The following IGSF10 variants were observed in gnomAD, a reference collection of about 807,000 sequenced individuals.
IGSF10 encodes the protein immunoglobulin superfamily member 10.
Under a neutral mutation model 128.2 loss-of-function variants are expected in IGSF10, and 126 were observed. The observed-to-expected ratio is 0.98, with a 90% CI of 0.85 to 1.14. The LOEUF (loss-of-function observed/expected upper bound fraction) is 1.14, where lower values mean the gene tolerates loss of function less well. Among genes scored for constraint, IGSF10 ranks in the 50% most tolerant of loss-of-function variants. The pLI is 0.00. For missense variants in IGSF10, 3,295 were observed against 3,149.8 expected (o/e 1.05, Z -1.10); for synonymous variants, 1,185 against 1,146.2 (o/e 1.03, Z -0.68).
At chr3:151,556,137 A>G in the IGSF10 span, among the ~76,000 whole-genome samples, 1 of 152,156 alleles carries the variant, frequency 6.6e-6, no homozygotes, top group South Asian at 2.1e-4. Context: ...AGTAAAACTA[A>G]CTTTCATTCT....
the IGSF10 span, among the ~76,000 whole-genome samples, chr3:151,568,695 C>A: frequency 3.9e-5 from 6 of 152,124 alleles, no homozygotes; most frequent in Non-Finnish European, 8.8e-5. Flanking sequence ...CTCCAACCCT[C>A]CCATGCAATA....
At chr3:151,454,582 T>A (rs1721685371) in intron 4 of IGSF10, among the ~76,000 whole-genome samples, 1 of 70,350 alleles carries the variant, frequency 1.4e-5, no homozygotes, top group Admixed American at 1.4e-4. Flanking sequence ...AAAATTTTTA[T>A]AAGGTTTTTT....
chr3:151,540,017 G>T, the IGSF10 span, among the ~76,000 whole-genome samples: 2 of 152,098 alleles, frequency 1.3e-5, no homozygotes, highest in Admixed American at 1.3e-4. Context: ...TTAGCTGGGC[G>T]TCAGTGGTGT....
At chr3:151,545,091 C>T in the IGSF10 span, among the ~76,000 whole-genome samples, 1 of 152,152 alleles carries the variant, frequency 6.6e-6, no homozygotes, top group South Asian at 2.1e-4. Flanking sequence ...TGTTTCACAA[C>T]TGTAATATAT....
At position 151,448,729 on chromosome 3, in the gene IGSF10, T is replaced by C. The variant is rs1721358189; in HGVS notation, c.1252A>G (p.Ile418Val). The C allele has an allele frequency of 6.2e-7, 1 of 1,613,778 alleles. No individual in the cohort carries two copies. Among genetic ancestry groups the C allele is most frequent in the African/African-American group, 1.3e-5 (1 of 75,034 alleles). Residue 418 changes from isoleucine (I) to valine (V), a missense_variant, in exon 6 of 8, where the codon ATA (isoleucine) becomes GTA (valine). Physicochemically the swap from Ile to Val is conservative, Grantham distance 29 (BLOSUM62 3). Transcript: ENST00000282466. ...GGATCTGCTCTGAGATCTGCCTCTA[T>C]GTTGGTAAAAATGTCTTCAGGCTTA... ...APKPEDIFTN[I>V]EADLRADPSW...
At chr3:151,526,043 G>A in the IGSF10 span, among the ~76,000 whole-genome samples, 1 of 152,294 alleles carries the variant, frequency 6.6e-6, no homozygotes, top group Admixed American at 6.5e-5. Context: ...ACTTCTTGTT[G>A]CTCCAAGGCC....
chr3:151,445,601 T>C lies in IGSF10; in HGVS notation c.4380A>G (p.Ser1460=). 1 of 1,614,128 alleles carries C rather than the reference T, an allele frequency of 6.2e-7. No individual in the cohort carries two copies. Among genetic ancestry groups the C allele is most frequent in the Non-Finnish European group, 8.5e-7 (1 of 1,179,966 alleles). Residue 1460 remains serine, a synonymous_variant, in exon 6 of 8, where the codon TCA becomes TCG. Transcript: ENST00000282466. ...TTTRKAIIRH[S]TIPPFLSSSA... The stretch of plus-strand genomic sequence containing the variant: ...TGCTGCTCAAGAATGGTGGTATGGT[T>C]GAGTGTCTAATGATTGCTTTCCTAG...
At chr3:151,548,508 G>A in the IGSF10 span, among the ~76,000 whole-genome samples, 2 of 152,310 alleles carry the variant, frequency 1.3e-5, no homozygotes, top group East Asian at 1.9e-4. Context: ...AACCCACTAA[G>A]TGTTGGGAGA....
At chr3:151,565,266 A>G in the IGSF10 span, among the ~76,000 whole-genome samples, 1 of 152,202 alleles carries the variant, frequency 6.6e-6, no homozygotes, top group Non-Finnish European at 1.5e-5. Context: ...ATTGGTAGAG[A>G]GACCTTGAAT....
the IGSF10 span, among the ~76,000 whole-genome samples, chr3:151,543,124 T>C: frequency 1.3e-5 from 2 of 152,188 alleles, no homozygotes; most frequent in African/African-American, 2.4e-5. Context: ...TTATGAATAT[T>C]TGTAAGAATT....
the IGSF10 span, among the ~76,000 whole-genome samples, chr3:151,544,330 C>T: frequency 2.6e-5 from 4 of 152,210 alleles, no homozygotes; most frequent in African/African-American, 9.7e-5. Flanking sequence ...CTCCAGGCTG[C>T]TGCAACACAG....
At position 151,458,639 on chromosome 3, in the gene IGSF10, G is replaced by A. The variant is rs753065265; in HGVS notation, c.71C>T (p.Pro24Leu). 29 of 1,614,178 alleles carry A rather than the reference G, an allele frequency of 1.8e-5. No individual in the cohort carries two copies. The South Asian group carries it at 2.7e-4, about 15-fold the overall frequency. The change falls in exon 3 of 8, where the codon CCT (proline) becomes CTT (leucine). Residue 24 changes from proline to leucine, a missense_variant. Coordinates refer to ENST00000282466, the MANE Select transcript of IGSF10 (RefSeq NM_178822.5). ...SFAVICLVAT[P>L]GGKACPRRCA... ...GCGGCGAGGACAGGCCTTGCCCCCA[G>A]GGGTGGCGACCAGGCAGATCACAGC...
chr3:151,604,016 A>G, the IGSF10 span, among the ~76,000 whole-genome samples: 1 of 152,268 alleles, frequency 6.6e-6, no homozygotes, highest in Non-Finnish European at 1.5e-5. Flanking sequence ...TGCCTGGCAC[A>G]TGATAGGCAT....
At chr3:151,500,966 G>C in the IGSF10 span, among the ~76,000 whole-genome samples, 1 of 151,566 alleles carries the variant, frequency 6.6e-6, no homozygotes, top group Non-Finnish European at 1.5e-5. Context: ...GGTGCTAGAA[G>C]TCACATGATA....
At chr3:151,457,568 AG>A (rs1339625629) in intron 3 of IGSF10, among the ~76,000 whole-genome samples, 3 of 152,188 alleles carry the variant, frequency 2.0e-5, no homozygotes, top group African/African-American at 7.2e-5. Context: ...TGGGCTCTGG[AG>A]GCCAGGCTTG....
At position 151,446,795 on chromosome 3, in the gene IGSF10, T is replaced by C; in HGVS notation, c.3186A>G (p.Thr1062=). The C allele has an allele frequency of 6.2e-7, 1 of 1,614,112 alleles. No individual in the cohort carries two copies. Among genetic ancestry groups the C allele is most frequent in the African/African-American group, 1.3e-5 (1 of 75,052 alleles). The change falls in exon 6 of 8, where the codon ACA becomes ACG. Residue 1062 remains threonine (T), a synonymous_variant. Coordinates refer to ENST00000282466, the MANE Select transcript of IGSF10 (RefSeq NM_178822.5). ...TAFSATVLNV[T]CLSCLPRERL... ...TCTCCCTGGGAAGACAGGACAGACA[T>C]GTCACATTGAGCACTGTGGCTGAGA...
At chr3:151,578,525 C>T in the IGSF10 span, among the ~76,000 whole-genome samples, 1 of 152,220 alleles carries the variant, frequency 6.6e-6, no homozygotes, top group African/African-American at 2.4e-5. Context: ...TACTCACTGG[C>T]AGGCTCTTCT....
the IGSF10 span, among the ~76,000 whole-genome samples, chr3:151,511,340 C>T: frequency 6.6e-6 from 1 of 152,080 alleles, no homozygotes; most frequent in South Asian, 2.1e-4. Context: ...AATTTCCAAC[C>T]CAGAATTTCA....
intron 2 of IGSF10, among the ~76,000 whole-genome samples, chr3:151,459,337 GT>G (rs1721946752): frequency 1.3e-5 from 2 of 152,052 alleles, no homozygotes; most frequent in South Asian, 4.2e-4. Context: ...CATATATAAT[GT>G]TTTTTCATTT....
Sources: gnomAD v4.1 joint callset for allele counts (sites outside exome capture counted in the v4.1 genomes callset) on GRCh38, gnomAD v4.1.1 for gene constraint, MANE v1.5 for transcripts, NCBI Gene and HGNC (gene_info 2026-07-23, HGNC 2026-07-21) for gene names.